Variants in KIF9 observed in about 807,000 individuals in gnomAD.
KIF9 encodes kinesin family member 9.
KIF9 carries 68 observed loss-of-function variants against 94.8 expected under a neutral mutation model. The ratio of observed to expected loss-of-function variants is 0.72; its 90% confidence interval spans 0.59 to 0.88. The LOEUF (loss-of-function observed/expected upper bound fraction) is 0.88, where lower values mean the gene tolerates loss of function less well. Among genes scored for constraint, KIF9 ranks in the 40% least tolerant of loss-of-function variants. KIF9 has a pLI of 0.00. For synonymous variants in KIF9, 343 were observed against 362.1 expected (o/e 0.95, Z 0.60); for missense variants, 882 against 982.5 (o/e 0.90, Z 1.37).
chr3:47,246,070 C>T (rs1420573853), intron 13 of KIF9, 127 bp downstream of exon 13: 6 of 746,500 alleles, frequency 8.0e-6, no homozygotes, highest in Non-Finnish European at 1.4e-5. Context: ...AGGCATGCCC[C>T]CAAGGACTCT....
intron 10 of KIF9, among the ~76,000 whole-genome samples, chr3:47,256,382 GA>G (rs2107338132): frequency 6.6e-6 from 1 of 152,062 alleles, no homozygotes; most frequent in East Asian, 1.9e-4. Flanking sequence ...CGCCCCGTCT[GA>G]GAAGTGAGGA....
intron 9 of KIF9, among the ~76,000 whole-genome samples, chr3:47,262,090 T>C (rs574010519): frequency 5.3e-5 from 8 of 151,562 alleles, no homozygotes; most frequent in Non-Finnish European, 1.2e-4. Context: ...AAGTGGTATA[T>C]GGGCACAAGC....
intron 1 of KIF9, chr3:47,282,116 C>T: frequency 1.1e-6 from 1 of 869,952 alleles, no homozygotes. Context: ...CCATTCCGGT[C>T]CCTCTCTGGA....
intron 13 of KIF9, 138 bp downstream of exon 13, chr3:47,246,059 C>G: frequency 1.5e-6 from 1 of 663,018 alleles, no homozygotes; most frequent in Non-Finnish European, 2.6e-6. Flanking sequence ...ACCAGGGACC[C>G]AGGCATGCCC....
At chr3:47,281,226 A>G (rs1702321101) in intron 1 of KIF9, 1 of 534,392 alleles carries the variant, frequency 1.9e-6, no homozygotes, top group African/African-American at 1.9e-5. Context: ...ATATGATGTC[A>G]CTCCCCTTCC....
In KIF9 at chr3:47,240,779, G is replaced by C. The variant is rs111903161; in HGVS notation, c.1924+22C>G. 1.0e-4 allele frequency: 163 copies of C among 1,598,018 alleles called. No homozygotes were observed. The African/African-American group carries it at 1.3e-3, about 13-fold the overall frequency. On this transcript the variant is annotated intron_variant, in intron 17 of 20. Transcript: ENST00000684063. ...GACTCTGAGACCCCAAAGCTCCCTA[G>C]CCCTCTTTCCAACACATTTACCTTG...
At chr3:47,263,402 C>T (rs536139973) in intron 9 of KIF9, among the ~76,000 whole-genome samples, 3 of 152,314 alleles carry the variant, frequency 2.0e-5, no homozygotes, top group African/African-American at 4.8e-5. Flanking sequence ...CCTCTGGCCA[C>T]AGCCCTCCCC....
chr3:47,241,550 G>A (rs539478720), intron 16 of KIF9, among the ~76,000 whole-genome samples: 1 of 150,730 alleles, frequency 6.6e-6, no homozygotes, highest in Non-Finnish European at 1.5e-5. Flanking sequence ...TCGAACTCCC[G>A]ACCTCAGGTA....
At chr3:47,243,329 G>T in intron 15 of KIF9, 84 bp from the exon 16 acceptor site, 1 of 1,166,550 alleles carries the variant, frequency 8.6e-7, no homozygotes. Context: ...TCTCAGCACT[G>T]ACTACACTGG....
chr3:47,234,524 G>A (rs745809092), intron 20 of KIF9, among the ~76,000 whole-genome samples: 7 of 150,604 alleles, frequency 4.6e-5, no homozygotes, highest in Non-Finnish European at 1.0e-4. Context: ...GTGAGCCACC[G>A]TGCCCAGCCA....
intron 17 of KIF9, chr3:47,239,870 T>C (rs1699337132): frequency 2.2e-6 from 3 of 1,367,690 alleles, no homozygotes; most frequent in African/African-American, 1.5e-5. Flanking sequence ...TGGAACAGGG[T>C]TGTGATTTAG....
At chr3:47,251,915 C>G (rs1700296813) in intron 10 of KIF9, among the ~76,000 whole-genome samples, 1 of 152,184 alleles carries the variant, frequency 6.6e-6, no homozygotes, top group Admixed American at 6.5e-5. Flanking sequence ...AGGCCAACTT[C>G]CTTGTTCACA....
At chr3:47,257,069 A>C (rs563189519) in intron 10 of KIF9, among the ~76,000 whole-genome samples, 29 of 152,000 alleles carry the variant, frequency 1.9e-4, no homozygotes, top group African/African-American at 6.0e-4. Context: ...TTATCTGCTC[A>C]CCTTCCCTCC....
At chr3:47,264,959 CAGG>C (rs1311076833) in intron 8 of KIF9, among the ~76,000 whole-genome samples, 5 of 152,228 alleles carry the variant, frequency 3.3e-5, no homozygotes, top group Non-Finnish European at 5.9e-5. Flanking sequence ...ATCTGCAAGC[CAGG>C]AGGAGGGCCC....
Position 47,282,755 on chromosome 3 carries a change from G to A in KIF9, c.-266C>T. ...TCGGCGGATGCACATGCGAAGTCAA[G>A]GTCGAGATAGCGAGGGAACGAAGGC... On this transcript the variant is annotated 5_prime_UTR_variant, in exon 1 of 21. Coordinates refer to ENST00000684063, the MANE Select transcript of KIF9 (RefSeq NM_182902.4). The A allele has an allele frequency of 1.4e-6, 2 of 1,426,916 alleles. No individual in the cohort carries two copies. Among genetic ancestry groups the A allele is most frequent in the Middle Eastern group, 2.6e-4 (1 of 3,850 alleles). The allele number at this position is 1,426,916 out of a possible 1,614,324, so 88.4% of individuals were successfully genotyped here.
Position 47,240,790 on chromosome 3 carries a change from A to G in KIF9, c.1924+11T>C. ...CCCAAAGCTCCCTAGCCCTCTTTCC[A>G]ACACATTTACCTTGCTTCTCCCGTA... On this transcript the variant is annotated intron_variant, in intron 17 of 20. Transcript: ENST00000684063. The G allele has an allele frequency of 6.2e-7, 1 of 1,611,214 alleles. No homozygotes were observed.
intron 9 of KIF9, among the ~76,000 whole-genome samples, chr3:47,258,382 G>A: frequency 6.6e-6 from 1 of 152,146 alleles, no homozygotes; most frequent in Non-Finnish European, 1.5e-5. Flanking sequence ...AGTAGCTGGG[G>A]CTACAGGTGT....
rs563728379 is a variant in KIF9, at chr3:47,239,493, C to T, written c.1924+1308G>A. 5.0e-6 allele frequency: 5 copies of T among 991,252 alleles called. No homozygotes were observed. The Admixed American group carries it at 2.4e-4, about 48-fold the overall frequency. 61.4% of individuals were successfully genotyped at this position (991,252 alleles called of 1,614,324 possible). The stretch of plus-strand genomic sequence containing the variant: ...CCAGACCCGTGGAGGGCTTTGCCCT[C>T]AGGAATAGCATGTCATAATTGGTCT... On this transcript the variant is annotated intron_variant, in intron 17 of 20. Coordinates refer to ENST00000684063, the MANE Select transcript of KIF9 (RefSeq NM_182902.4).
At chr3:47,282,267 G>A (rs1702427699) in intron 1 of KIF9, 2 of 985,552 alleles carry the variant, frequency 2.0e-6, no homozygotes, top group South Asian at 9.4e-5. Flanking sequence ...ACGCGACGTG[G>A]GACCCCTTTG....
Sources: allele counts gnomAD v4.1 joint callset (sites outside exome capture counted in the v4.1 genomes callset), GRCh38; gene constraint gnomAD v4.1.1; transcripts MANE v1.5; gene names NCBI Gene and HGNC (gene_info 2026-07-23, HGNC 2026-07-21).